The following BRAF variants were observed in gnomAD, a reference collection of about 807,000 sequenced individuals.
The protein encoded by BRAF is B-Raf proto-oncogene, serine/threonine kinase.
In BRAF, 16 loss-of-function variants were observed where a neutral mutation model predicts 104.6. The ratio of observed to expected loss-of-function variants is 0.15; its 90% CI spans 0.10 to 0.23. The LOEUF (loss-of-function observed/expected upper bound fraction) is 0.23. Ranked by LOEUF, BRAF falls within the 10% of genes least tolerant of loss-of-function variation. BRAF has a pLI of 1.00. For missense variants in BRAF, 541 were observed against 937.3 expected (o/e 0.58, Z 5.52); for synonymous variants, 310 against 341.6 (o/e 0.91, Z 1.02).
intron 14 of BRAF, among the ~76,000 whole-genome samples, chr7:140,762,975 A>G (rs1254662297): frequency 6.6e-6 from 1 of 152,240 alleles, no homozygotes; most frequent in East Asian, 1.9e-4. Context: ...TTCTTAGTAC[A>G]GAACAAAATG....
intron 8 of BRAF, among the ~76,000 whole-genome samples, chr7:140,792,966 T>G (rs187604011): frequency 1.8e-4 from 27 of 152,238 alleles, no homozygotes; most frequent in Admixed American, 1.3e-3. Context: ...TGGAAATAGA[T>G]AGAGAGAAAT....
intron 1 of BRAF, among the ~76,000 whole-genome samples, chr7:140,904,899 G>C (rs1052889914): frequency 6.6e-6 from 1 of 152,110 alleles, no homozygotes; most frequent in Non-Finnish European, 1.5e-5. Context: ...GAGCCACTGC[G>C]CCTGACCAGA....
intron 3 of BRAF, among the ~76,000 whole-genome samples, chr7:140,820,829 A>C (rs960980078): frequency 6.6e-6 from 1 of 152,142 alleles, no homozygotes; most frequent in Non-Finnish European, 1.5e-5. Context: ...AGCTACTTGG[A>C]GGGTGAGATG....
intron 2 of BRAF, among the ~76,000 whole-genome samples, chr7:140,843,299 G>A (rs756420764): frequency 1.3e-5 from 2 of 152,174 alleles, no homozygotes; most frequent in Non-Finnish European, 2.9e-5. Context: ...GCTTTGAGGA[G>A]TTGTATGAGG....
chr7:140,804,273 C>T (rs62487927), intron 5 of BRAF, among the ~76,000 whole-genome samples: 20 of 151,918 alleles, frequency 1.3e-4, no homozygotes, highest in Non-Finnish European at 2.5e-4. Context: ...GGCACGATCT[C>T]GGCTCACTAC....
chr7:140,854,116 C>A (rs974043621), intron 1 of BRAF, among the ~76,000 whole-genome samples: 1 of 152,116 alleles, frequency 6.6e-6, no homozygotes, highest in African/African-American at 2.4e-5. Flanking sequence ...ACTACAGGCA[C>A]GCAGCAGCAC....
At chr7:140,716,194 C>A (rs1795126941), downstream of BRAF, among the ~76,000 whole-genome samples, 1 of 152,204 alleles carries the variant, frequency 6.6e-6, no homozygotes. Flanking sequence ...TAAGTTGTCT[C>A]AATCTGACAT....
At chr7:140,745,271 T>C (rs908093570) in intron 17 of BRAF, among the ~76,000 whole-genome samples, 1 of 152,166 alleles carries the variant, frequency 6.6e-6, no homozygotes, top group Non-Finnish European at 1.5e-5. Context: ...TAAAAACTTT[T>C]AGATGCCAAC....
At chr7:140,883,852 T>C (rs1225553636) in intron 1 of BRAF, among the ~76,000 whole-genome samples, 4 of 152,242 alleles carry the variant, frequency 2.6e-5, no homozygotes, top group African/African-American at 7.2e-5. Flanking sequence ...ATTAAATCAT[T>C]ACACCACAGT....
At chr7:140,810,702 A>G (rs1804168990) in intron 3 of BRAF, among the ~76,000 whole-genome samples, 1 of 152,236 alleles carries the variant, frequency 6.6e-6, no homozygotes, top group African/African-American at 2.4e-5. Context: ...TGTGGAGTCC[A>G]TACTTGAAAT....
At chr7:140,883,358 G>A (rs1813163136) in intron 1 of BRAF, among the ~76,000 whole-genome samples, 1 of 152,108 alleles carries the variant, frequency 6.6e-6, no homozygotes, top group South Asian at 2.1e-4. Context: ...TATTTTTCCA[G>A]TTAGCCATGT....
At chr7:140,862,799 G>A (rs920118083) in intron 1 of BRAF, among the ~76,000 whole-genome samples, 3 of 152,016 alleles carry the variant, frequency 2.0e-5, no homozygotes, top group African/African-American at 4.8e-5. Flanking sequence ...AATGTACTGC[G>A]GTGATGGCTA....
intron 1 of BRAF, among the ~76,000 whole-genome samples, chr7:140,878,331 G>T (rs1333789486): frequency 6.6e-6 from 1 of 151,870 alleles, no homozygotes; most frequent in African/African-American, 2.4e-5. Context: ...GAAAACATAG[G>T]GGTAAATCTT....
At chr7:140,715,083 G>C (rs1205966649), downstream of BRAF, among the ~76,000 whole-genome samples, 1 of 152,192 alleles carries the variant, frequency 6.6e-6, no homozygotes, top group Non-Finnish European at 1.5e-5. Context: ...TTAGATTCTG[G>C]GTTGAATGCA....
At chr7:140,864,147 G>A (rs1810697270) in intron 1 of BRAF, among the ~76,000 whole-genome samples, 1 of 152,186 alleles carries the variant, frequency 6.6e-6, no homozygotes, top group Admixed American at 6.5e-5. Flanking sequence ...TTGAAACTAT[G>A]ATTGTGTTAA....
intron 4 of BRAF, 153 bp downstream of exon 4, chr7:140,808,739 G>A (rs1023762327): frequency 7.4e-6 from 5 of 677,296 alleles, no homozygotes; most frequent in Middle Eastern, 3.9e-4. Flanking sequence ...ATGGCCTACA[G>A]TATTTCTTCA....
intron 1 of BRAF, among the ~76,000 whole-genome samples, chr7:140,892,843 G>A (rs746822457): frequency 1.2e-4 from 19 of 152,168 alleles, no homozygotes; most frequent in South Asian, 2.1e-4. Context: ...AATAAAAGCA[G>A]TTACAGTTTG....
At position 140,721,378 on chromosome 7, in the gene BRAF, A is replaced by G; in HGVS notation, c.*5116T>C. ...TCCTTTTCCACATTAAAAATACCTG[A>G]TAGGAACTGTTAATTACCCTTTCCA... is the stretch of plus-strand genomic sequence containing the variant. On this transcript the variant is annotated 3_prime_UTR_variant, in exon 20 of 20. Coordinates refer to ENST00000644969, the MANE Select transcript of BRAF (RefSeq NM_001374258.1). 1 of 1,227,462 alleles carries G rather than the reference A, an allele frequency of 8.1e-7. No homozygotes were observed. Among genetic ancestry groups the G allele is most frequent in the South Asian group, 4.0e-5 (1 of 24,716 alleles). 76.0% of individuals were successfully genotyped at this position (1,227,462 alleles called of 1,614,324 possible). A position where few individuals can be genotyped will look rare whatever the true frequency, so the allele number is the denominator to read the frequency against.
chr7:140,781,293 AGAC>A (rs1800848093), intron 12 of BRAF: 1 of 421,222 alleles, frequency 2.4e-6, no homozygotes, highest in Admixed American at 3.6e-5. Flanking sequence ...ATCAGCTGAA[AGAC>A]TCTAAAAGAA....
Sources: allele counts gnomAD v4.1 joint callset (sites outside exome capture counted in the v4.1 genomes callset), GRCh38; gene constraint gnomAD v4.1.1; transcripts MANE v1.5; gene names NCBI Gene and HGNC (gene_info 2026-07-23, HGNC 2026-07-21).